Variants in ST3GAL4 observed in about 807,000 individuals in gnomAD.
The protein encoded by ST3GAL4 is ST3 beta-galactoside alpha-2,3-sialyltransferase 4, also known as CMP-N-acetylneuraminate-beta-galactosamide-alpha-2,3-sialyltransferase 4.
A neutral mutation model predicts 42.6 loss-of-function variants in ST3GAL4; 24 were observed. The observed-to-expected ratio is 0.56, with a 90% CI of 0.41 to 0.79. The LOEUF (loss-of-function observed/expected upper bound fraction) is 0.79. Ranked by LOEUF, ST3GAL4 falls within the 30% of genes least tolerant of loss-of-function variation. ST3GAL4 has a pLI of 0.00. For synonymous variants in ST3GAL4, 135 were observed against 163.2 expected, an observed-to-expected ratio of 0.83 and a Z score of 1.32; for missense variants, 311 against 430.8, an observed-to-expected ratio of 0.72 and a Z score of 2.46.
chr11:126,358,212 G>GC (rs1314867586), intron 1 of ST3GAL4, among the ~76,000 whole-genome samples: 8 of 152,270 alleles, frequency 5.3e-5, no homozygotes, highest in African/African-American at 1.9e-4. Flanking sequence ...GTCGCACTGG[G>GC]CCGGCTGGAC....
intron 1 of ST3GAL4, among the ~76,000 whole-genome samples, chr11:126,377,205 C>A (rs1415774966): frequency 6.6e-6 from 1 of 152,028 alleles, no homozygotes; most frequent in South Asian, 2.1e-4. Context: ...GAGTCTTACT[C>A]TGTCGCCCAG....
chr11:126,364,214 G>GC (rs1952351499), intron 1 of ST3GAL4, among the ~76,000 whole-genome samples: 1 of 152,094 alleles, frequency 6.6e-6, no homozygotes, highest in East Asian at 2.0e-4. Flanking sequence ...GTGTTCCCAA[G>GC]CCCCTTACAT....
rs1311108890 is a variant in ST3GAL4 at position 126,398,359 on chromosome 11, CTTT to C, written c.-60-7736_-60-7734del. ...CAAATCCCAACTTGACAATAATCTT[CTTT>C]GACTCCATGTCCTGCCTTCCAGACA... On this transcript the variant is annotated intron_variant, in intron 1 of 10. Coordinates refer to ENST00000444328, the MANE Select transcript of ST3GAL4 (RefSeq NM_001254757.2). This position sits in a 1 kb window ranked among gnomAD's most constrained non-coding sequence, Gnocchi z 4.7. Among the ~76,000 whole-genome samples the C allele has an allele frequency of 6.6e-6, 1 of 152,268 alleles. No individual in the cohort carries two copies. The highest frequency in any genetic ancestry group is 1.5e-5 in the Non-Finnish European group (1 of 68,054).
At chr11:126,413,363 G>C (rs773727249) in intron 9 of ST3GAL4, 142 bp from the exon 10 acceptor site, 1 of 1,008,102 alleles carries the variant, frequency 9.9e-7, no homozygotes, top group South Asian at 1.9e-5. Context: ...TTGCGTGCTC[G>C]TTAGCTCGTG....
rs751631877 is a variant in ST3GAL4, at chr11:126,414,051, G to C, written c.*4G>C. ...CAAGAACCTCACGTCCTTCTGACCTGGGCAAGAGCTGTAGCCTGTCGGTTG... is the reference window on the plus strand; with the variant it reads ...CAAGAACCTCACGTCCTTCTGACCTCGGCAAGAGCTGTAGCCTGTCGGTTG... On this transcript the variant is annotated 3_prime_UTR_variant, in exon 11 of 11. Coordinates refer to ENST00000444328, the MANE Select transcript of ST3GAL4 (RefSeq NM_001254757.2). The C allele has an allele frequency of 6.2e-7, 1 of 1,614,204 alleles. No individual in the cohort carries two copies. The highest frequency in any genetic ancestry group is 1.7e-5 in the Admixed American group (1 of 60,034).
In ST3GAL4 at chr11:126,366,003, C is replaced by G. The variant is rs1434437423; in HGVS notation, c.-61+10161C>G. Among the ~76,000 whole-genome samples the G allele has an allele frequency of 6.6e-6, 1 of 152,160 alleles. No homozygotes were observed. The highest frequency in any genetic ancestry group is 6.5e-5 in the Admixed American group (1 of 15,286). ...GCGTGGCTGGGTCTCCTCTCAGGTG[C>G]CAGAATCTTTCTGGGAGCTGAGCCT... On this transcript the variant is annotated intron_variant, in intron 1 of 10. Coordinates refer to ENST00000444328, the MANE Select transcript of ST3GAL4 (RefSeq NM_001254757.2). This position sits in a 1 kb window ranked among gnomAD's most constrained non-coding sequence, Gnocchi z 4.2.
At position 126,363,239 on chromosome 11, in the gene ST3GAL4, C is replaced by G. The variant is rs1192828763; in HGVS notation, c.-61+7397C>G. On this transcript the variant is annotated intron_variant, in intron 1 of 10. Coordinates refer to ENST00000444328, the MANE Select transcript of ST3GAL4 (RefSeq NM_001254757.2). This position sits in a 1 kb window ranked among gnomAD's most constrained non-coding sequence, Gnocchi z 4.6. ...TGAGCCGTGCTCTTCTTCTTCAATC[C>G]CTTTCTGTCTGCCTTCTCTTTCCAC... Among the ~76,000 whole-genome samples the G allele has an allele frequency of 6.6e-6, 1 of 152,230 alleles. No individual in the cohort carries two copies. The highest frequency in any genetic ancestry group is 6.5e-5 in the Admixed American group (1 of 15,282).
At chr11:126,380,062 G>T (rs1325886545) in intron 1 of ST3GAL4, among the ~76,000 whole-genome samples, 1 of 151,824 alleles carries the variant, frequency 6.6e-6, no homozygotes. Context: ...AGGAGTTTGA[G>T]ACCATCCTGG....
intron 1 of ST3GAL4, among the ~76,000 whole-genome samples, chr11:126,385,985 AC>A (rs899993176): frequency 2.6e-5 from 4 of 151,946 alleles, no homozygotes; most frequent in Non-Finnish European, 5.9e-5. Context: ...CCTCCCTGGC[AC>A]CCCCTTTCCT....
intron 1 of ST3GAL4, among the ~76,000 whole-genome samples, chr11:126,389,996 A>AC (rs1481247093): frequency 1.5e-5 from 2 of 129,888 alleles, no homozygotes; most frequent in Non-Finnish European, 3.2e-5. Flanking sequence ...ACGCAGTGAA[A>AC]CCCCGTCTCT....
At position 126,398,356 on chromosome 11, in the gene ST3GAL4, C is replaced by T. The variant is rs951765396; in HGVS notation, c.-60-7740C>T. On this transcript the variant is annotated intron_variant, in intron 1 of 10. Coordinates refer to ENST00000444328, the MANE Select transcript of ST3GAL4 (RefSeq NM_001254757.2). The surrounding 1 kb of genome is among the most constrained non-coding windows in gnomAD (Gnocchi z 4.7). The stretch of plus-strand genomic sequence containing the variant: ...TACCAAATCCCAACTTGACAATAAT[C>T]TTCTTTGACTCCATGTCCTGCCTTC... Among the ~76,000 whole-genome samples, 32 of 152,364 alleles carry T rather than the reference C, an allele frequency of 2.1e-4. 1 individual carries two copies. The highest frequency in any genetic ancestry group is 3.4e-3 in the Middle Eastern group (1 of 294).
intron 1 of ST3GAL4, among the ~76,000 whole-genome samples, chr11:126,402,115 A>G (rs1954031353): frequency 6.7e-6 from 1 of 149,014 alleles, no homozygotes; most frequent in African/African-American, 2.5e-5. Context: ...GAGAGTCTAG[A>G]CGTAGACAGC....
chr11:126,369,922 C>T (rs1468838217), intron 1 of ST3GAL4, among the ~76,000 whole-genome samples: 2 of 152,188 alleles, frequency 1.3e-5, no homozygotes, highest in Non-Finnish European at 2.9e-5. Flanking sequence ...CTGTTTTACA[C>T]CTGCCTTTTA....
intron 9 of ST3GAL4, 72 bp from the exon 10 acceptor site, chr11:126,413,433 G>A: frequency 6.4e-7 from 1 of 1,574,166 alleles, no homozygotes; most frequent in African/African-American, 1.3e-5. Flanking sequence ...AAGTTCCACT[G>A]CAGAGCGCTG....
At chr11:126,401,054 G>A (rs990362096) in intron 1 of ST3GAL4, among the ~76,000 whole-genome samples, 7 of 152,136 alleles carry the variant, frequency 4.6e-5, no homozygotes, top group Admixed American at 3.3e-4. Flanking sequence ...AGAGAGTCCA[G>A]CTTTGAACAT....
rs1210806356 is a variant in ST3GAL4 at position 126,378,131 on chromosome 11, GA to G, written c.-61+22291del. Among the ~76,000 whole-genome samples the G allele has an allele frequency of 6.6e-6, 1 of 152,136 alleles. No homozygotes were observed. Among genetic ancestry groups the G allele is most frequent in the African/African-American group, 2.4e-5 (1 of 41,438 alleles). ...GAGTCATATCTAGTCATTTTAGGTA[GA>G]AGATAGCCCACACCACAGATCCAGA... On this transcript the variant is annotated intron_variant, in intron 1 of 10. Transcript: ENST00000444328. This position sits in a 1 kb window ranked among gnomAD's most constrained non-coding sequence, Gnocchi z 5.3.
intron 1 of ST3GAL4, among the ~76,000 whole-genome samples, chr11:126,356,610 A>G (rs1313642214): frequency 6.6e-6 from 1 of 152,218 alleles, no homozygotes; most frequent in Non-Finnish European, 1.5e-5. Flanking sequence ...TCTGCTCCCC[A>G]GCCTGGGTCC....
rs1952743595 is a variant in ST3GAL4, at chr11:126,373,940, T to G, written c.-61+18098T>G. On this transcript the variant is annotated intron_variant, in intron 1 of 10. Coordinates refer to ENST00000444328, the MANE Select transcript of ST3GAL4 (RefSeq NM_001254757.2). The surrounding 1 kb of genome is among the most constrained non-coding windows in gnomAD (Gnocchi z 5.5). ...GACCTACTGTCACTGCCTCTTCCAC[T>G]CTGTTCCACCTGCACTGGAGCGATG... Among the ~76,000 whole-genome samples, 1 of 152,168 alleles carries G rather than the reference T, an allele frequency of 6.6e-6. No individual in the cohort carries two copies. Among genetic ancestry groups the G allele is most frequent in the Admixed American group, 6.5e-5 (1 of 15,272 alleles).
rs1952929620 is a variant in ST3GAL4 at position 126,379,674 on chromosome 11, C to T, written c.-61+23832C>T. Among the ~76,000 whole-genome samples the T allele has an allele frequency of 6.6e-6, 1 of 151,784 alleles. No homozygotes were observed. On this transcript the variant is annotated intron_variant, in intron 1 of 10. Coordinates refer to ENST00000444328, the MANE Select transcript of ST3GAL4 (RefSeq NM_001254757.2). This position sits in a 1 kb window ranked among gnomAD's most constrained non-coding sequence, Gnocchi z 4.2. Reference sequence around the variant, plus strand: ...TGTATTTTTAGTAGAGATGGGGTTTCACCACGTTGGCCAGGCTGGTCTCAA... The same window carrying T: ...TGTATTTTTAGTAGAGATGGGGTTTTACCACGTTGGCCAGGCTGGTCTCAA...
Sources: gnomAD v4.1 joint callset for allele counts (sites outside exome capture counted in the v4.1 genomes callset) on GRCh38, gnomAD v4.1.1 for gene constraint, Gnocchi (gnomAD v3.1) non-coding constraint, MANE v1.5 for transcripts, NCBI Gene and HGNC (gene_info 2026-07-23, HGNC 2026-07-21) for gene names.